Variants in ACSF3 observed in about 807,000 individuals in gnomAD.
The protein encoded by ACSF3 is acyl-CoA synthetase family member 3.
Under a neutral mutation model 53.2 loss-of-function variants are expected in ACSF3, and 78 were observed. That is an observed-to-expected ratio of 1.47 (90% confidence interval 1.22 to 1.77). The LOEUF is 1.77. Ranked by LOEUF, ACSF3 falls within the 40% of genes most tolerant of loss-of-function variation. The probability of loss-of-function intolerance (pLI) is 0.00; values close to 1 mark genes in which losing one functional copy is unlikely to be tolerated. For missense variants in ACSF3, 937 were observed against 771.1 expected (o/e 1.22, Z -2.55); for synonymous variants, 414 against 333.1 (o/e 1.24, Z -2.65).
intron 1 of ACSF3, among the ~76,000 whole-genome samples, chr16:89,095,588 AAC>A (rs1440281937): frequency 9.2e-6 from 1 of 109,196 alleles, no homozygotes; most frequent in African/African-American, 3.7e-5. Flanking sequence ...ATCCACTTCA[AAC>A]ACAAGGTCTG....
chr16:89,102,691 A>G lies in ACSF3; in HGVS notation c.754A>G (p.Asn252Asp). 6.2e-7 allele frequency: 1 copy of G among 1,613,368 alleles called. No individual in the cohort carries two copies. The highest frequency in any genetic ancestry group is 8.5e-7 in the Non-Finnish European group (1 of 1,179,970). ...LPLHHVHGVV[N>D]ALLCPLWVGA... is the part of the protein sequence containing the mutation. The stretch of plus-strand genomic sequence containing the variant: ...GCTGCACCACGTCCATGGTGTGGTC[A>G]ACGCGCTGCTCTGTCCTCTCTGGGT... Residue 252 changes from asparagine (N) to aspartate (D), a missense_variant, in exon 4 of 11, where the codon AAC (asparagine) becomes GAC (aspartate). By Grantham distance (23) the Asn-to-Asp change is conservative. Transcript: ENST00000614302.
At chr16:89,107,297 C>T (rs546441889) in intron 4 of ACSF3, among the ~76,000 whole-genome samples, 4 of 152,264 alleles carry the variant, frequency 2.6e-5, no homozygotes, top group South Asian at 2.1e-4. Context: ...CAAGAAAGAC[C>T]GTCCTTCGTG....
intron 8 of ACSF3, among the ~76,000 whole-genome samples, chr16:89,134,703 G>A (rs1267257082): frequency 6.6e-6 from 1 of 152,210 alleles, no homozygotes; most frequent in Non-Finnish European, 1.5e-5. Context: ...TAGATGATTG[G>A]CTATTGTTTA....
intron 4 of ACSF3, among the ~76,000 whole-genome samples, chr16:89,103,487 C>T (rs1316103886): frequency 6.6e-6 from 1 of 152,232 alleles, no homozygotes; most frequent in African/African-American, 2.4e-5. Flanking sequence ...GGCCTTCTCT[C>T]CGTAGTCAGG....
intron 8 of ACSF3, among the ~76,000 whole-genome samples, chr16:89,143,495 G>A (rs1263670226): frequency 6.6e-6 from 1 of 152,082 alleles, no homozygotes; most frequent in Non-Finnish European, 1.5e-5. Context: ...TGGCATCCGT[G>A]GGGCAGGAGC....
chr16:89,137,045 G>A (rs866374922), intron 8 of ACSF3, among the ~76,000 whole-genome samples: 2 of 152,242 alleles, frequency 1.3e-5, no homozygotes, highest in African/African-American at 4.8e-5. Flanking sequence ...GGAAGGTGAC[G>A]TGGAGGTGGG....
chr16:89,148,101 G>GTTTTTTTTTTTTTTT (rs71158780), intron 10 of ACSF3: 1 of 117,670 alleles, frequency 8.5e-6, no homozygotes, highest in Non-Finnish European at 1.7e-5. Context: ...TTCTTTTTTG[G>GTTTTTTTTTTTTTTT]TTTTTTTTTT....
At position 89,154,558 on chromosome 16, in the gene ACSF3, C is replaced by CA. The variant is rs970858000; in HGVS notation, c.*357dup. The stretch of plus-strand genomic sequence containing the variant: ...CAGGGCAGGTCCCAGAGGTTTCCCA[C>CA]AAAAAACAAAGACTCCACTGGAGGA... On this transcript the variant is annotated 3_prime_UTR_variant, in exon 11 of 11. Coordinates refer to ENST00000614302, the MANE Select transcript of ACSF3 (RefSeq NM_001243279.3). The CA allele has an allele frequency of 1.6e-4, 52 of 334,862 alleles. No individual in the cohort carries two copies. The highest frequency in any genetic ancestry group is 8.5e-4 in the Admixed American group (24 of 28,090). The allele number at this position is 334,862 out of a possible 1,614,324, so 20.7% of individuals were successfully genotyped here.
At chr16:89,151,714 C>A (rs568727001) in intron 10 of ACSF3, 48 of 161,018 alleles carry the variant, frequency 3.0e-4, no homozygotes, top group African/African-American at 8.9e-4. Context: ...TCAAGTGATT[C>A]TCCTGCCTCA....
chr16:89,116,102 A>AATG (rs1567706041), intron 6 of ACSF3, among the ~76,000 whole-genome samples: 1 of 152,200 alleles, frequency 6.6e-6, no homozygotes, highest in Admixed American at 6.5e-5. Context: ...ACCATGATCC[A>AATG]TTTTGAGTTA....
chr16:89,154,842 A>C lies in ACSF3; in HGVS notation c.*635A>C. The C allele has an allele frequency of 2.2e-6, 1 of 454,104 alleles. No homozygotes were observed. The highest frequency in any genetic ancestry group is 4.4e-6 in the Non-Finnish European group (1 of 226,786). The allele number at this position is 454,104 out of a possible 1,614,324, so 28.1% of individuals were successfully genotyped here. On this transcript the variant is annotated 3_prime_UTR_variant, in exon 11 of 11. Transcript: ENST00000614302. ...GTGTGTCCATCAGCATGTGTCACAG[A>C]AAGTGCGTGGACGGATGGCCCCGGA...
chr16:89,102,795 G>A (rs925840021), intron 4 of ACSF3, 36 bp downstream of exon 4: 3 of 1,557,244 alleles, frequency 1.9e-6, no homozygotes, highest in Non-Finnish European at 2.6e-6. Context: ...TGCACCCTCA[G>A]ACTAGGCGCC....
At chr16:89,122,516 A>C (rs1309238273) in intron 7 of ACSF3, 7 of 366,546 alleles carry the variant, frequency 1.9e-5, no homozygotes, top group Non-Finnish European at 3.4e-5. Flanking sequence ...TGTGCCCTGC[A>C]GTGCCCCTGC....
chr16:89,154,041 G>T (rs754733618), intron 10 of ACSF3, 49 bp from the exon 11 acceptor site: 10 of 1,586,124 alleles, frequency 6.3e-6, no homozygotes, highest in Non-Finnish European at 8.6e-6. Flanking sequence ...AGTTCCTCCT[G>T]CTGGGCACTG....
rs143247342 is a variant in ACSF3 at position 89,107,445 on chromosome 16, C to T, written c.823-4647C>T. ...CCTGCTACACGCGTGCTCTCCCCGC[C>T]TCGGCACCATCCTGCTACACGCGTG... is the stretch of plus-strand genomic sequence containing the variant. On this transcript the variant is annotated intron_variant, in intron 4 of 10. Coordinates refer to ENST00000614302, the MANE Select transcript of ACSF3 (RefSeq NM_001243279.3). Among the ~76,000 whole-genome samples the T allele has an allele frequency of 1.1e-3, 168 of 152,362 alleles. 1 individual carries two copies. Among genetic ancestry groups the T allele is most frequent in the African/African-American group, 3.9e-3 (163 of 41,582 alleles).
chr16:89,141,196 T>G, intron 8 of ACSF3: 1 of 1,287,236 alleles, frequency 7.8e-7, no homozygotes, highest in Non-Finnish European at 1.0e-6. Context: ...CTCCGATGCC[T>G]CTGAGCCCTT....
chr16:89,100,261 C>T (rs56386090), intron 2 of ACSF3, among the ~76,000 whole-genome samples: 109,017 of 152,256 alleles, frequency 0.72, 39,706 homozygotes, highest in Non-Finnish European at 0.78. Flanking sequence ...CTGTTGTGAG[C>T]GGGGGCTGTG....
intron 7 of ACSF3, among the ~76,000 whole-genome samples, chr16:89,132,065 C>T (rs889838304): frequency 9.2e-5 from 14 of 152,272 alleles, no homozygotes; most frequent in Non-Finnish European, 1.9e-4. Flanking sequence ...GGCAGCAGGA[C>T]GACACACTCG....
At chr16:89,096,031 G>C (rs1974577839) in intron 1 of ACSF3, among the ~76,000 whole-genome samples, 1 of 152,190 alleles carries the variant, frequency 6.6e-6, no homozygotes, top group Admixed American at 6.5e-5. Context: ...CTCAGAACCT[G>C]ATGGCTAGAA....
Sources: allele counts gnomAD v4.1 joint callset (sites outside exome capture counted in the v4.1 genomes callset), GRCh38; gene constraint gnomAD v4.1.1; transcripts MANE v1.5; gene names NCBI Gene and HGNC (gene_info 2026-07-23, HGNC 2026-07-21).